Variants in TEX36 observed in about 807,000 individuals in gnomAD.
The protein encoded by TEX36 is testis-expressed protein 36.
In TEX36, 12 loss-of-function variants were observed where a neutral mutation model predicts 13.6. That is an observed-to-expected ratio of 0.88 (90% CI 0.56 to 1.43). The LOEUF (loss-of-function observed/expected upper bound fraction) is 1.43, where lower values mean the gene tolerates loss of function less well. Among genes scored for constraint, TEX36 ranks in the 40% most tolerant of loss-of-function variants. TEX36 has a pLI of 0.00. For missense variants in TEX36, 224 were observed against 228.3 expected (o/e 0.98, Z 0.12); for synonymous variants, 93 against 83.0 (o/e 1.12, Z -0.65).
chr10:125,616,315 G>GCC (rs1846358028), intron 3 of TEX36, among the ~76,000 whole-genome samples: 1 of 149,176 alleles, frequency 6.7e-6, no homozygotes, highest in African/African-American at 2.5e-5. Flanking sequence ...GTTATTTCTT[G>GCC]CCTTCTGCTA....
chr10:125,632,538 G>C (rs1340125331), intron 3 of TEX36, among the ~76,000 whole-genome samples: 2 of 152,206 alleles, frequency 1.3e-5, no homozygotes, highest in African/African-American at 4.8e-5. Flanking sequence ...CTAAGGGAGG[G>C]AAGAGGGCCC....
chr10:125,602,426 A>T (rs1846161126), intron 3 of TEX36, among the ~76,000 whole-genome samples: 1 of 151,682 alleles, frequency 6.6e-6, no homozygotes, highest in African/African-American at 2.4e-5. Context: ...GGATTTCATT[A>T]CTCCTCAAGC....
At position 125,667,717 on chromosome 10, in the gene TEX36, G is replaced by A. The variant is rs182059459; in HGVS notation, c.52-5740C>T. On this transcript the variant is annotated intron_variant, in intron 1 of 3. Transcript: ENST00000368821. ...TCTGGTAGAGTGTCTGGTGGAAGAG[G>A]ATGACGTCCCCGATGCAGGGGTTCA... The A allele has an allele frequency of 1.0e-4, 76 of 757,070 alleles. No homozygotes were observed. The East Asian group carries it at 1.9e-3, about 19-fold the overall frequency. 46.9% of individuals were successfully genotyped at this position (757,070 alleles called of 1,614,324 possible). A position where few individuals can be genotyped will look rare whatever the true frequency, so the allele number is the denominator to read the frequency against.
chr10:125,657,222 G>A (rs1846961454), intron 3 of TEX36, among the ~76,000 whole-genome samples: 1 of 152,198 alleles, frequency 6.6e-6, no homozygotes, highest in African/African-American at 2.4e-5. Flanking sequence ...ATTTGCAGCA[G>A]GAGATGCAAG....
intron 1 of TEX36, chr10:125,666,967 T>C: frequency 9.7e-7 from 1 of 1,035,968 alleles, no homozygotes; most frequent in Non-Finnish European, 1.4e-6. Flanking sequence ...GCCAGGCTGT[T>C]GGCCACGGCT....
rs1257474759 is a variant in TEX36 at position 125,656,067 on chromosome 10, T to C, written c.394A>G (p.Lys132Glu). The C allele has an allele frequency of 2.6e-6, 4 of 1,551,752 alleles. No individual in the cohort carries two copies. The highest frequency in any genetic ancestry group is 1.4e-5 in the African/African-American group (1 of 73,024). ...AAGCTTGAGACCACCATGGCTTCTT[T>C]ATATACGTATGATATTTGGTTATTT... Reference protein sequence around the residue: ...FSNNQISYVYKEAMVVSSFRR... With the variant: ...FSNNQISYVYEEAMVVSSFRR... The change falls in exon 4 of 4, where the codon AAA becomes GAA. Residue 132 changes from lysine to glutamate, a missense_variant. By Grantham distance (56) the Lys-to-Glu change is moderately conservative. Transcript: ENST00000368821.
chr10:125,593,802 G>T (rs1351199358), intron 3 of TEX36, among the ~76,000 whole-genome samples: 1 of 152,228 alleles, frequency 6.6e-6, no homozygotes, highest in African/African-American at 2.4e-5. Flanking sequence ...CAGAGTTTCT[G>T]TTGAGGATGA....
At chr10:125,662,408 C>T (rs1847059675) in intron 1 of TEX36, among the ~76,000 whole-genome samples, 1 of 152,086 alleles carries the variant, frequency 6.6e-6, no homozygotes. Flanking sequence ...TGAGGTGGCC[C>T]TAAGACCACG....
chr10:125,599,813 T>C (rs1246854326), intron 3 of TEX36, among the ~76,000 whole-genome samples: 1 of 152,228 alleles, frequency 6.6e-6, no homozygotes, highest in Non-Finnish European at 1.5e-5. Flanking sequence ...AATCCCTTTC[T>C]GAGTCTCAGT....
chr10:125,627,432 T>C (rs751394192), intron 3 of TEX36, among the ~76,000 whole-genome samples: 9 of 152,204 alleles, frequency 5.9e-5, no homozygotes, highest in Non-Finnish European at 1.3e-4. Context: ...CAATAAACCA[T>C]TGGCCTGTTA....
chr10:125,576,921 A>C (rs1380618399), intron 3 of TEX36: 1 of 1,535,016 alleles, frequency 6.5e-7, no homozygotes, highest in Admixed American at 2.0e-5. Flanking sequence ...TTGTGTGCTT[A>C]AATCCTTGTA....
chr10:125,587,097 C>T (rs370216954), intron 3 of TEX36, among the ~76,000 whole-genome samples: 33 of 152,294 alleles, frequency 2.2e-4, no homozygotes, highest in African/African-American at 7.9e-4. Context: ...CCTGAGGCCT[C>T]CCCAGAAGCA....
rs74857294 is a variant in TEX36 at position 125,640,132 on chromosome 10, T to A, written c.265-18487A>T. 375 of 985,018 alleles carry A rather than the reference T, an allele frequency of 3.8e-4. No individual in the cohort carries two copies. In the African/African-American group the frequency reaches 5.8e-3, roughly 15 times the overall value. 61.0% of individuals were successfully genotyped at this position (985,018 alleles called of 1,614,324 possible). On this transcript the variant is annotated intron_variant, in intron 3 of 3. Transcript: ENST00000526819. ...TTTTTTCCGTTCAGAACTGGGATTG[T>A]CCCCTGCAGATGTTACAGCCAGATC... is the stretch of plus-strand genomic sequence containing the variant.
chr10:125,601,809 C>T (rs1024988812), intron 3 of TEX36, among the ~76,000 whole-genome samples: 1 of 152,288 alleles, frequency 6.6e-6, no homozygotes, highest in Non-Finnish European at 1.5e-5. Flanking sequence ...TTCAGACATC[C>T]TCTGGGAACA....
At chr10:125,599,276 T>A (rs995043511) in intron 3 of TEX36, among the ~76,000 whole-genome samples, 1 of 152,164 alleles carries the variant, frequency 6.6e-6, no homozygotes, top group African/African-American at 2.4e-5. Context: ...GAAACCTGTC[T>A]CAGTGTGTAA....
chr10:125,590,260 G>A (rs1283526462), intron 3 of TEX36, among the ~76,000 whole-genome samples: 1 of 151,840 alleles, frequency 6.6e-6, no homozygotes, highest in East Asian at 1.9e-4. Context: ...CAGGTGAGTG[G>A]CACCACACCC....
intron 3 of TEX36, among the ~76,000 whole-genome samples, chr10:125,615,453 T>G (rs1367070391): frequency 2.0e-5 from 3 of 152,106 alleles, no homozygotes; most frequent in African/African-American, 2.4e-5. Context: ...TTGAGATACA[T>G]CCCATCAATA....
At chr10:125,621,460 CA>C (rs1254010547), downstream of TEX36, among the ~76,000 whole-genome samples, 3 of 152,050 alleles carry the variant, frequency 2.0e-5, no homozygotes, top group Non-Finnish European at 4.4e-5. Context: ...GACATGTTTT[CA>C]TGTGCTGGTG....
intron 3 of TEX36, among the ~76,000 whole-genome samples, chr10:125,622,640 A>G (rs976224692): frequency 6.6e-6 from 1 of 152,228 alleles, no homozygotes; most frequent in Non-Finnish European, 1.5e-5. Flanking sequence ...ACGAGATGGG[A>G]TGGATTCAGT....
Sources: gnomAD v4.1 joint callset for allele counts (sites outside exome capture counted in the v4.1 genomes callset) on GRCh38, gnomAD v4.1.1 for gene constraint, MANE v1.5 for transcripts, NCBI Gene and HGNC (gene_info 2026-07-23, HGNC 2026-07-21) for gene names.